Variants in CORO2A observed in about 807,000 individuals in gnomAD.
CORO2A encodes coronin 2A, also known as coronin-2A.
Under a neutral mutation model 62.4 loss-of-function variants are expected in CORO2A, and 47 were observed. The ratio of observed to expected loss-of-function variants is 0.75; its 90% CI spans 0.60 to 0.96. The LOEUF is 0.96. Ranked by LOEUF, CORO2A falls within the 40% of genes least tolerant of loss-of-function variation. The pLI is 0.00. For synonymous variants in CORO2A, 273 were observed against 268.9 expected, an observed-to-expected ratio of 1.02 and a Z score of -0.15; for missense variants, 610 against 684.1, an observed-to-expected ratio of 0.89 and a Z score of 1.21.
At chr9:98,170,925 G>A (rs1157286785) in intron 1 of CORO2A, among the ~76,000 whole-genome samples, 1 of 152,238 alleles carries the variant, frequency 6.6e-6, no homozygotes, top group African/African-American at 2.4e-5. Context: ...AAGGGCGACA[G>A]AGCTGTCCAG....
In CORO2A at chr9:98,177,773, C is replaced by T. The variant is rs1168856419; in HGVS notation, c.-1+14786G>A. 2.0e-5 allele frequency among the ~76,000 whole-genome samples: 3 copies of T among 151,098 alleles called. No homozygotes were observed. In the South Asian group the frequency reaches 6.2e-4, roughly 31 times the overall value. On this transcript the variant is annotated intron_variant, in intron 1 of 11. Transcript: ENST00000375077. ...AAAAAAAAAACAAACTGTGCTCACA[C>T]CCCATTATCTTATATTATATACAAG...
rs148437109 is a variant in CORO2A, at chr9:98,133,054, G to A, written c.632C>T (p.Ala211Val). Residue 211 changes from alanine to valine, a missense_variant, in exon 5 of 12, where the codon GCA (alanine) becomes GTA (valine). Ala to Val is a moderately conservative substitution (Grantham distance 64). Transcript: ENST00000375077. Reference sequence around the variant, plus strand: ...AGAACTGACCTGGAGGACGGTCCCTGCTCGGGGGTCAATAACCCGAATCTT... The same window carrying A: ...AGAACTGACCTGGAGGACGGTCCCTACTCGGGGGTCAATAACCCGAATCTT... ...DRKIRVIDPRAGTVLQEASYK... is the reference protein window; with the variant it reads ...DRKIRVIDPRVGTVLQEASYK... 1.9e-5 allele frequency: 31 copies of A among 1,614,126 alleles called. No individual in the cohort carries two copies. Among genetic ancestry groups the A allele is most frequent in the African/African-American group, 1.9e-4 (14 of 74,958 alleles).
intron 1 of CORO2A, 94 bp from the exon 2 acceptor site, chr9:98,157,754 G>A (rs1459550384): frequency 2.9e-5 from 35 of 1,190,218 alleles, no homozygotes; most frequent in African/African-American, 4.5e-5. Flanking sequence ...AAGAGGGTAC[G>A]AGCAGGACAG....
chr9:98,184,605 C>T (rs56358945), intron 1 of CORO2A, among the ~76,000 whole-genome samples: 34,441 of 152,030 alleles, frequency 0.23, 3,949 homozygotes, highest in African/African-American at 0.26. Context: ...AGGTCCCAGG[C>T]CTCTACAGGG....
At chr9:98,136,595 A>G (rs866518443) in intron 3 of CORO2A, among the ~76,000 whole-genome samples, 1 of 152,212 alleles carries the variant, frequency 6.6e-6, no homozygotes, top group Non-Finnish European at 1.5e-5. Flanking sequence ...GTCACAGCAC[A>G]TTGGAAAGAG....
chr9:98,142,217 T>C (rs1458723526), intron 2 of CORO2A, among the ~76,000 whole-genome samples: 2 of 152,196 alleles, frequency 1.3e-5, no homozygotes, highest in Non-Finnish European at 2.9e-5. Flanking sequence ...GTGGCAGGCA[T>C]TGCGAATGGA....
intron 10 of CORO2A, among the ~76,000 whole-genome samples, chr9:98,127,474 G>C (rs1827340966): frequency 6.6e-6 from 1 of 152,134 alleles, no homozygotes; most frequent in Non-Finnish European, 1.5e-5. Flanking sequence ...TGGGCAGAGG[G>C]ACCTGGGTGG....
intron 2 of CORO2A, among the ~76,000 whole-genome samples, chr9:98,144,430 C>G (rs1046270683): frequency 6.6e-6 from 1 of 152,176 alleles, no homozygotes; most frequent in African/African-American, 2.4e-5. Context: ...CTGGTCTGCT[C>G]TTGCTGTCCT....
In CORO2A at chr9:98,170,536, G is replaced by T. The variant is rs567836644; in HGVS notation, c.1-12876C>A. Reference sequence around the variant, plus strand: ...GGCTCACTGCAACCTCTGCCTCTGGGGTTCAAGTGATTCTCCTGCCTCAGC... The same window carrying T: ...GGCTCACTGCAACCTCTGCCTCTGGTGTTCAAGTGATTCTCCTGCCTCAGC... On this transcript the variant is annotated intron_variant, in intron 1 of 11. Coordinates refer to ENST00000375077, the MANE Select transcript of CORO2A (RefSeq NM_052820.4). Among the ~76,000 whole-genome samples, 511 of 152,214 alleles carry T rather than the reference G, an allele frequency of 3.4e-3. 3 individuals are homozygous for T. The highest frequency in any genetic ancestry group is 0.012 in the African/African-American group (494 of 41,522).
At chr9:98,183,998 G>C (rs546122939) in intron 1 of CORO2A, among the ~76,000 whole-genome samples, 1 of 152,144 alleles carries the variant, frequency 6.6e-6, no homozygotes, top group East Asian at 1.9e-4. Context: ...TAGTTACATA[G>C]CATTTACATT....
At chr9:98,139,671 C>A (rs926753029) in intron 2 of CORO2A, among the ~76,000 whole-genome samples, 10 of 152,032 alleles carry the variant, frequency 6.6e-5, no homozygotes, top group African/African-American at 2.4e-4. Context: ...TGTCGCACAC[C>A]TGTAGTTCCA....
In CORO2A at chr9:98,121,388, C is replaced by G. The variant is rs1827243387; in HGVS notation, c.*3386G>C. 6.6e-6 allele frequency: 1 copy of G among 151,932 alleles called. No homozygotes were observed. The allele number at this position is 151,932 out of a possible 1,614,324, so 9.4% of individuals were successfully genotyped here. A position where few individuals can be genotyped will look rare whatever the true frequency, so the allele number is the denominator to read the frequency against. On this transcript the variant is annotated 3_prime_UTR_variant, in exon 12 of 12. Transcript: ENST00000375077. ...ACCTGAATGTGCTAGGCAAGTTCCACTACATCAGCTCAAGAACATAAACAA... is the reference window on the plus strand; with the variant it reads ...ACCTGAATGTGCTAGGCAAGTTCCAGTACATCAGCTCAAGAACATAAACAA...
At chr9:98,169,872 A>C (rs1828010195) in intron 1 of CORO2A, among the ~76,000 whole-genome samples, 1 of 151,688 alleles carries the variant, frequency 6.6e-6, no homozygotes, top group Non-Finnish European at 1.5e-5. Context: ...CTGTCACCCC[A>C]CCTTCCTGGC....
At chr9:98,174,948 C>T (rs1196173587) in intron 1 of CORO2A, among the ~76,000 whole-genome samples, 1 of 152,046 alleles carries the variant, frequency 6.6e-6, no homozygotes, top group Non-Finnish European at 1.5e-5. Flanking sequence ...GTAAACTTTG[C>T]TATGTATATA....
rs1245480534 is a variant in CORO2A at position 98,121,919 on chromosome 9, C to T, written c.*2855G>A. The stretch of plus-strand genomic sequence containing the variant: ...CCTTCTTTTCTGGAGCACACTAAGG[C>T]AATCTTGGCTAGTGCATCAGACGGG... On this transcript the variant is annotated 3_prime_UTR_variant, in exon 12 of 12. Coordinates refer to ENST00000375077, the MANE Select transcript of CORO2A (RefSeq NM_052820.4). 4 of 152,184 alleles carry T rather than the reference C, an allele frequency of 2.6e-5. No homozygotes were observed. The highest frequency in any genetic ancestry group is 9.7e-5 in the African/African-American group (4 of 41,398). 9.4% of individuals were successfully genotyped at this position (152,184 alleles called of 1,614,324 possible). A position where few individuals can be genotyped will look rare whatever the true frequency, so the allele number is the denominator to read the frequency against.
chr9:98,184,623 G>C (rs1332289424), intron 1 of CORO2A, among the ~76,000 whole-genome samples: 2 of 152,132 alleles, frequency 1.3e-5, no homozygotes, highest in Non-Finnish European at 2.9e-5. Flanking sequence ...GGGACGTAGT[G>C]CTTTGGGTCT....
chr9:98,156,798 T>C (rs1259331619), intron 2 of CORO2A, among the ~76,000 whole-genome samples: 1 of 152,226 alleles, frequency 6.6e-6, no homozygotes, highest in Admixed American at 6.5e-5. Context: ...GTCCACATTG[T>C]GGATGCTTTC....
rs1827287518 is a variant in CORO2A, at chr9:98,124,499, T to C, written c.*275A>G. ...TAGTTTTCTACTGTGTTCTTTCCTCTTGAGAAGTTACAGCTCATCATGGGC... is the reference window on the plus strand; with the variant it reads ...TAGTTTTCTACTGTGTTCTTTCCTCCTGAGAAGTTACAGCTCATCATGGGC... On this transcript the variant is annotated 3_prime_UTR_variant, in exon 12 of 12. Coordinates refer to ENST00000375077, the MANE Select transcript of CORO2A (RefSeq NM_052820.4). 3.7e-6 allele frequency: 1 copy of C among 269,372 alleles called. No individual in the cohort carries two copies. The highest frequency in any genetic ancestry group is 7.8e-5 in the East Asian group (1 of 12,794). 16.7% of individuals were successfully genotyped at this position (269,372 alleles called of 1,614,324 possible). A position where few individuals can be genotyped will look rare whatever the true frequency, so the allele number is the denominator to read the frequency against.
rs148635591 is a variant in CORO2A at position 98,179,349 on chromosome 9, G to A, written c.-1+13210C>T. On this transcript the variant is annotated intron_variant, in intron 1 of 11. Coordinates refer to ENST00000375077, the MANE Select transcript of CORO2A (RefSeq NM_052820.4). ...AGCATTGTGCTGGCCTGGGCCTGGC[G>A]TGTTGGTGGGCAGCTGTGGACATGG... 8.5e-3 allele frequency among the ~76,000 whole-genome samples: 1,296 copies of A among 152,290 alleles called. 11 individuals carry two copies. The highest frequency in any genetic ancestry group is 0.01 in the South Asian group (49 of 4,822).
Sources: allele counts gnomAD v4.1 joint callset (sites outside exome capture counted in the v4.1 genomes callset), GRCh38; gene constraint gnomAD v4.1.1; transcripts MANE v1.5; gene names NCBI Gene and HGNC (gene_info 2026-07-23, HGNC 2026-07-21).